The following PLA2G4A variants were observed in gnomAD, a reference collection of about 807,000 sequenced individuals.
The protein encoded by PLA2G4A is phospholipase A2 group IVA.
Under a neutral mutation model 81.9 loss-of-function variants are expected in PLA2G4A, and 40 were observed. That is an observed-to-expected ratio of 0.49 (90% CI 0.38 to 0.64). PLA2G4A has a LOEUF of 0.64. Among genes scored for constraint, PLA2G4A ranks in the 30% least tolerant of loss-of-function variants. The pLI is 0.00. For synonymous variants in PLA2G4A, 302 were observed against 296.9 expected (o/e 1.02, Z -0.18); for missense variants, 715 against 905.1 (o/e 0.79, Z 2.69).
intron 3 of PLA2G4A, among the ~76,000 whole-genome samples, chr1:186,875,060 T>C (rs1653416246): frequency 6.6e-6 from 1 of 152,146 alleles, no homozygotes; most frequent in Non-Finnish European, 1.5e-5. Context: ...ATTTTGATTC[T>C]GTAGGTTTGG....
rs1654123410 is a variant in PLA2G4A, at chr1:186,891,160, CTTTTTAA to C, written c.116-1844_116-1838del. 3.3e-5 allele frequency among the ~76,000 whole-genome samples: 5 copies of C among 150,764 alleles called. No homozygotes were observed. In the South Asian group the frequency reaches 8.4e-4, roughly 25 times the overall value. ...TTTTCTTTTTTACTTTTTACTTTTACTTTTTAATTTTTATGGGTACATAGTAGGTGTA... is the reference window on the plus strand; with the variant it reads ...TTTTCTTTTTTACTTTTTACTTTTACTTTTTATGGGTACATAGTAGGTGTA... On this transcript the variant is annotated intron_variant, in intron 3 of 17. Coordinates refer to ENST00000367466, the MANE Select transcript of PLA2G4A (RefSeq NM_024420.3).
chr1:186,830,970 CTTT>C (rs1651551196), intron 1 of PLA2G4A, among the ~76,000 whole-genome samples: 1 of 107,262 alleles, frequency 9.3e-6, no homozygotes, highest in African/African-American at 3.9e-5. Context: ...TTCTTTCTTT[CTTT>C]CTTTCTTTCT....
Position 186,896,398 on chromosome 1 carries a change from TAA to T in PLA2G4A, c.378+2189_378+2190del, listed in dbSNP as rs560219903. ...GAAAGCAAGCTGGGGCATAGCAAGA[TAA>T]AGGGCTTGGCAGATCCATTTTGCTG... On this transcript the variant is annotated intron_variant, in intron 5 of 17. Transcript: ENST00000367466. 7.2e-5 allele frequency among the ~76,000 whole-genome samples: 11 copies of T among 152,316 alleles called. No homozygotes were observed. The South Asian group carries it at 2.1e-3, about 29-fold the overall frequency.
chr1:186,936,016 A>G (rs890166190), intron 8 of PLA2G4A, among the ~76,000 whole-genome samples: 1 of 151,920 alleles, frequency 6.6e-6, no homozygotes, highest in Non-Finnish European at 1.5e-5. Flanking sequence ...TGAGTGAACT[A>G]AAAAAACAGG....
At position 186,950,679 on chromosome 1, in the gene PLA2G4A, T is replaced by A. The variant is rs1157759570; in HGVS notation, c.1287T>A (p.Ile429=). 2 of 1,599,968 alleles carry A rather than the reference T, an allele frequency of 1.3e-6. No individual in the cohort carries two copies. The highest frequency in any genetic ancestry group is 1.7e-6 in the Non-Finnish European group (2 of 1,167,480). ...EELENITTKH[I]VSNDSSDSDD... ...CAGAAAATATTACCACAAAGCATAT[T>A]GTGAGTAATGATAGCTCGGACAGTG... The change falls in exon 13 of 18, where the codon ATT becomes ATA. Residue 429 remains isoleucine (I), a synonymous_variant. Coordinates refer to ENST00000367466, the MANE Select transcript of PLA2G4A (RefSeq NM_024420.3).
intron 3 of PLA2G4A, among the ~76,000 whole-genome samples, chr1:186,873,016 T>G (rs1171755707): frequency 6.6e-6 from 1 of 151,950 alleles, no homozygotes; most frequent in Non-Finnish European, 1.5e-5. Context: ...ATTGTTACTT[T>G]TGTGTGTGTG....
intron 6 of PLA2G4A, among the ~76,000 whole-genome samples, chr1:186,910,285 A>G (rs1654894804): frequency 6.6e-6 from 1 of 152,164 alleles, no homozygotes; most frequent in South Asian, 2.1e-4. Flanking sequence ...TAAGGTAAGG[A>G]TTTTTATGAA....
chr1:186,860,098 A>G (rs1652741231), intron 2 of PLA2G4A, among the ~76,000 whole-genome samples: 1 of 152,144 alleles, frequency 6.6e-6, no homozygotes, highest in East Asian at 1.9e-4. Flanking sequence ...AAAATGAGGA[A>G]GAAGAAAGCT....
At chr1:186,835,418 A>G (rs1558344099) in intron 1 of PLA2G4A, among the ~76,000 whole-genome samples, 1 of 152,220 alleles carries the variant, frequency 6.6e-6, no homozygotes, top group Non-Finnish European at 1.5e-5. Context: ...AAGTATTGAA[A>G]AAAGTAATTT....
intron 8 of PLA2G4A, among the ~76,000 whole-genome samples, chr1:186,938,259 C>T (rs111243449): frequency 3.9e-5 from 6 of 152,118 alleles, no homozygotes; most frequent in African/African-American, 9.6e-5. Flanking sequence ...ATCTACCATA[C>T]TAGAGGTATT....
intron 9 of PLA2G4A, among the ~76,000 whole-genome samples, chr1:186,939,763 TA>T: frequency 6.6e-6 from 1 of 152,204 alleles, no homozygotes; most frequent in African/African-American, 2.4e-5. Flanking sequence ...GATGTAGACA[TA>T]TAATCTAGAG....
At chr1:186,846,784 T>A (rs1331826438) in intron 1 of PLA2G4A, among the ~76,000 whole-genome samples, 1 of 152,260 alleles carries the variant, frequency 6.6e-6, no homozygotes, top group East Asian at 1.9e-4. Context: ...TTATATTAAA[T>A]AGCTATTTTG....
chr1:186,873,604 C>A (rs1179132655), intron 3 of PLA2G4A, among the ~76,000 whole-genome samples: 1 of 152,026 alleles, frequency 6.6e-6, no homozygotes, highest in Non-Finnish European at 1.5e-5. Flanking sequence ...GTAAAATATT[C>A]ATATCTCCTT....
chr1:186,941,476 C>T (rs1656153564), intron 10 of PLA2G4A, among the ~76,000 whole-genome samples: 1 of 152,154 alleles, frequency 6.6e-6, no homozygotes, highest in Non-Finnish European at 1.5e-5. Flanking sequence ...ATCACATTTG[C>T]TATTTTATTC....
chr1:186,914,498 T>C (rs1655072388), intron 7 of PLA2G4A, among the ~76,000 whole-genome samples: 1 of 150,110 alleles, frequency 6.7e-6, no homozygotes, highest in Non-Finnish European at 1.5e-5. Context: ...GAGTAATTCC[T>C]ATCCCTTTTA....
chr1:186,943,084 G>T (rs900770634), intron 10 of PLA2G4A, among the ~76,000 whole-genome samples: 23 of 152,086 alleles, frequency 1.5e-4, no homozygotes, highest in African/African-American at 5.1e-4. Context: ...CTGTGTAGAA[G>T]AAAAAGTTGA....
chr1:186,867,228 T>C (rs1653065974), intron 2 of PLA2G4A, among the ~76,000 whole-genome samples: 1 of 152,182 alleles, frequency 6.6e-6, no homozygotes, highest in African/African-American at 2.4e-5. Context: ...ATCAGTTACT[T>C]GTTTTCACAG....
intron 1 of PLA2G4A, among the ~76,000 whole-genome samples, chr1:186,839,470 T>C (rs1651900816): frequency 6.6e-6 from 1 of 152,066 alleles, no homozygotes. Flanking sequence ...AAGGGGAGAG[T>C]ATAACATTGT....
chr1:186,839,034 T>G (rs1216525605), intron 1 of PLA2G4A, among the ~76,000 whole-genome samples: 4 of 151,268 alleles, frequency 2.6e-5, no homozygotes, highest in Non-Finnish European at 4.4e-5. Context: ...AATAATATTA[T>G]TGAACTATTG....
Sources: gnomAD v4.1 joint callset for allele counts (sites outside exome capture counted in the v4.1 genomes callset) on GRCh38, gnomAD v4.1.1 for gene constraint, MANE v1.5 for transcripts, NCBI Gene and HGNC (gene_info 2026-07-23, HGNC 2026-07-21) for gene names.